Variants in EPB41L2 observed in about 807,000 individuals in gnomAD.
EPB41L2 encodes band 4.1-like protein 2.
A neutral mutation model predicts 113.0 loss-of-function variants in EPB41L2; 43 were observed. The ratio of observed to expected loss-of-function variants is 0.38; its 90% CI spans 0.30 to 0.49. The LOEUF (loss-of-function observed/expected upper bound fraction) is 0.49, where lower values mean the gene tolerates loss of function less well. Among genes scored for constraint, EPB41L2 ranks in the 20% least tolerant of loss-of-function variants. The pLI, the probability that EPB41L2 is intolerant of heterozygous loss-of-function variation, is 0.95. For synonymous variants in EPB41L2, 442 were observed against 436.7 expected (o/e 1.01, Z -0.15); for missense variants, 1,147 against 1,223.4 (o/e 0.94, Z 0.93).
chr6:130,892,166 A>AGC, intron 10 of EPB41L2, among the ~76,000 whole-genome samples: 1 of 152,228 alleles, frequency 6.6e-6, no homozygotes, highest in Non-Finnish European at 1.5e-5. Context: ...CTGCTACAAG[A>AGC]ATACAAGAAG....
intron 1 of EPB41L2, among the ~76,000 whole-genome samples, chr6:131,045,376 A>AATATTTTATATTTAAATAT (rs1291723136): frequency 6.6e-6 from 1 of 152,078 alleles, no homozygotes; most frequent in Non-Finnish European, 1.5e-5. Flanking sequence ...TTTAAAAATG[A>AATATTTTATATTTAAATAT]TGAGATGCTG....
In EPB41L2 at chr6:130,916,239, T is replaced by C. The variant is rs535371034; in HGVS notation, c.811-7376A>G. On this transcript the variant is annotated intron_variant, in intron 4 of 19. Transcript: ENST00000337057. ...AGCACAGTGAATAGCTGTACTTATA[T>C]GTATTTTACACTAAAATCTTTCTAT... Among the ~76,000 whole-genome samples the C allele has an allele frequency of 3.3e-5, 5 of 152,350 alleles. No individual in the cohort carries two copies. In the East Asian group the frequency reaches 7.7e-4, roughly 24 times the overall value.
At chr6:130,981,794 T>C (rs980610820) in intron 1 of EPB41L2, among the ~76,000 whole-genome samples, 1 of 152,182 alleles carries the variant, frequency 6.6e-6, no homozygotes, top group Non-Finnish European at 1.5e-5. Context: ...AGCATGTCCA[T>C]TTAAATTTGT....
intron 1 of EPB41L2, among the ~76,000 whole-genome samples, chr6:130,973,407 C>A (rs1181529429): frequency 1.3e-5 from 2 of 152,118 alleles, no homozygotes; most frequent in South Asian, 2.1e-4. Flanking sequence ...GAGCATCATC[C>A]CTTATGCAGA....
intron 1 of EPB41L2, among the ~76,000 whole-genome samples, chr6:130,971,758 A>G (rs572655932): frequency 6.6e-6 from 1 of 152,388 alleles, no homozygotes; most frequent in East Asian, 1.9e-4. Flanking sequence ...AAGCAAAACT[A>G]TGAATAAGGG....
At chr6:130,987,699 GAAT>G (rs1780895178) in intron 1 of EPB41L2, among the ~76,000 whole-genome samples, 1 of 26,700 alleles carries the variant, frequency 3.7e-5, no homozygotes, top group Non-Finnish European at 9.0e-5. Context: ...TCTCATAAAT[GAAT>G]GAATGAATGA....
At chr6:130,946,061 T>C (rs1424826274) in intron 3 of EPB41L2, among the ~76,000 whole-genome samples, 4 of 152,194 alleles carry the variant, frequency 2.6e-5, no homozygotes, top group Non-Finnish European at 4.4e-5. Context: ...TAAAGTTTCT[T>C]CATTAAAAAA....
rs915172 is a variant in EPB41L2, at chr6:130,863,630, T to A, written c.2910+8A>T. Reference sequence around the variant, plus strand: ...GCCATTTCCAAAACTAGAACTTAACTTATTTACCTGGTCATGATCAATATC... The same window carrying A: ...GCCATTTCCAAAACTAGAACTTAACATATTTACCTGGTCATGATCAATATC... On this transcript the variant is annotated splice_region_variant and intron_variant, in intron 18 of 19. Transcript: ENST00000337057. 1.3e-6 allele frequency: 2 copies of A among 1,594,166 alleles called. No individual in the cohort carries two copies. Among genetic ancestry groups the A allele is most frequent in the Non-Finnish European group, 1.7e-6 (2 of 1,163,110 alleles).
chr6:130,848,947 G>A (rs1157681634), intron 19 of EPB41L2, among the ~76,000 whole-genome samples: 1 of 152,160 alleles, frequency 6.6e-6, no homozygotes, highest in East Asian at 1.9e-4. Context: ...GGAGAGACAC[G>A]AAGATGCTCT....
intron 1 of EPB41L2, among the ~76,000 whole-genome samples, chr6:130,972,188 G>A (rs976150341): frequency 6.6e-6 from 1 of 151,990 alleles, no homozygotes; most frequent in East Asian, 1.9e-4. Flanking sequence ...GCAGGGTGTC[G>A]TAGCGCATGC....
chr6:130,988,059 T>A (rs997482555), intron 1 of EPB41L2, among the ~76,000 whole-genome samples: 5 of 151,920 alleles, frequency 3.3e-5, no homozygotes, highest in African/African-American at 1.2e-4. Context: ...GAAGCTGCAG[T>A]GAGCCCTGAC....
chr6:130,894,323 G>T, intron 10 of EPB41L2, 21 bp downstream of exon 10: 1 of 1,598,270 alleles, frequency 6.3e-7, no homozygotes, highest in Non-Finnish European at 8.6e-7. Flanking sequence ...CCCGGCTTCC[G>T]AGCTGTTTTC....
chr6:131,004,802 C>A (rs569234450), intron 1 of EPB41L2, among the ~76,000 whole-genome samples: 2 of 152,302 alleles, frequency 1.3e-5, no homozygotes, highest in East Asian at 3.9e-4. Flanking sequence ...CTACACAACT[C>A]CCTGGTCACC....
chr6:130,955,071 A>G lies in EPB41L2; in HGVS notation c.705+34T>C, dbSNP rs1816937384. 3.8e-6 allele frequency: 6 copies of G among 1,582,664 alleles called. No homozygotes were observed. In the African/African-American group the frequency reaches 6.7e-5, roughly 18 times the overall value. On this transcript the variant is annotated intron_variant, in intron 3 of 19. Coordinates refer to ENST00000337057, the MANE Select transcript of EPB41L2 (RefSeq NM_001431.4). ...CATCATGCCATGCCACAATCCACAT[A>G]TCAAGCTAGCTCTCACTCAGCTCCC...
chr6:131,029,965 T>A (rs1791768989), intron 1 of EPB41L2, among the ~76,000 whole-genome samples: 1 of 151,622 alleles, frequency 6.6e-6, no homozygotes, highest in Non-Finnish European at 1.5e-5. Flanking sequence ...TCCACACATG[T>A]ACAGTTTCAA....
chr6:130,870,443 A>T (rs558376100), intron 14 of EPB41L2: 16 of 1,511,098 alleles, frequency 1.1e-5, no homozygotes, highest in Non-Finnish European at 1.4e-5. Context: ...ACAACCACTG[A>T]AACAAACATC....
chr6:130,888,533 A>C (rs1185640844), intron 11 of EPB41L2, among the ~76,000 whole-genome samples: 1 of 152,204 alleles, frequency 6.6e-6, no homozygotes, highest in Non-Finnish European at 1.5e-5. Context: ...TTTAAATGCT[A>C]AACTTTGCAA....
chr6:130,907,706 C>A (rs1021362990), intron 5 of EPB41L2, among the ~76,000 whole-genome samples: 2 of 151,538 alleles, frequency 1.3e-5, no homozygotes, highest in African/African-American at 4.9e-5. Flanking sequence ...AGGAAGACTA[C>A]CAAAAAGATA....
chr6:130,911,917 C>T (rs763582626), intron 4 of EPB41L2, among the ~76,000 whole-genome samples: 44 of 152,148 alleles, frequency 2.9e-4, no homozygotes, highest in African/African-American at 7.2e-4. Context: ...CCCCATCCCA[C>T]GGACTGGTAC....
Sources: allele counts gnomAD v4.1 joint callset (sites outside exome capture counted in the v4.1 genomes callset), GRCh38; gene constraint gnomAD v4.1.1; transcripts MANE v1.5; gene names NCBI Gene and HGNC (gene_info 2026-07-23, HGNC 2026-07-21).